The following PANK3 variants were observed in gnomAD, a reference collection of about 807,000 sequenced individuals.
PANK3 encodes pantothenate kinase 3, also known as hPanK3.
PANK3 carries 20 observed loss-of-function variants against 39.4 expected under a neutral mutation model. The observed-to-expected ratio is 0.51, with a 90% confidence interval of 0.36 to 0.74. The LOEUF (loss-of-function observed/expected upper bound fraction) is 0.74. Ranked by LOEUF, PANK3 falls within the 30% of genes least tolerant of loss-of-function variation. The pLI is 0.00. For synonymous variants in PANK3, 140 were observed against 157.3 expected (o/e 0.89, Z 0.82); for missense variants, 265 against 437.0 (o/e 0.61, Z 3.51).
In PANK3 at chr5:168,555,938, A is replaced by C. The variant is rs1159229065; in HGVS notation, c.*1633T>G. 3 of 152,368 alleles carry C rather than the reference A, an allele frequency of 2.0e-5. No homozygotes were observed. Among genetic ancestry groups the C allele is most frequent in the Admixed American group, 6.5e-5 (1 of 15,306 alleles). 9.4% of individuals were successfully genotyped at this position (152,368 alleles called of 1,614,324 possible). Reference sequence around the variant, plus strand: ...TAAGACACAACTTCCTACATAGAGGAAATAAGAGGAACAAACCCCTTTTGG... The same window carrying C: ...TAAGACACAACTTCCTACATAGAGGCAATAAGAGGAACAAACCCCTTTTGG... On this transcript the variant is annotated 3_prime_UTR_variant, in exon 7 of 7. Transcript: ENST00000239231.
At chr5:168,566,756 AT>A (rs558280521) in intron 2 of PANK3, among the ~76,000 whole-genome samples, 18 of 152,162 alleles carry the variant, frequency 1.2e-4, no homozygotes, top group Non-Finnish European at 8.8e-5. Context: ...TCATTCATTC[AT>A]TTTTGAGACA....
In PANK3 at chr5:168,553,318, C is replaced by A. The variant is rs1759300997; in HGVS notation, c.*4253G>T. On this transcript the variant is annotated 3_prime_UTR_variant, in exon 7 of 7. Transcript: ENST00000239231. ...AATGTACATGGGCACAAAACTTGTG[C>A]AGAGTCCGCATTACAAGCCAGTAAT... The A allele has an allele frequency of 3.8e-6, 2 of 528,014 alleles. No individual in the cohort carries two copies. Among genetic ancestry groups the A allele is most frequent in the East Asian group, 6.0e-5 (1 of 16,772 alleles). 32.7% of individuals were successfully genotyped at this position (528,014 alleles called of 1,614,324 possible).
intron 6 of PANK3, among the ~76,000 whole-genome samples, chr5:168,558,147 T>C (rs904316857): frequency 9.5e-5 from 14 of 146,992 alleles, no homozygotes; most frequent in Admixed American, 5.4e-4. Context: ...CAATGAGACA[T>C]GGAAGCTTTT....
intron 2 of PANK3, 100 bp downstream of exon 2, chr5:168,568,546 A>G (rs1759570750): frequency 1.1e-6 from 1 of 899,210 alleles, no homozygotes; most frequent in Admixed American, 2.6e-5. Flanking sequence ...CATATTTCCC[A>G]CTGCATGTGC....
chr5:168,560,430 C>T (rs898166236), intron 5 of PANK3, among the ~76,000 whole-genome samples: 1 of 152,132 alleles, frequency 6.6e-6, no homozygotes, highest in African/African-American at 2.4e-5. Flanking sequence ...TGTCCTCTAC[C>T]ACTCTCTGCC....
At chr5:168,577,962 G>A (rs1017281436) in intron 1 of PANK3, among the ~76,000 whole-genome samples, 1 of 152,194 alleles carries the variant, frequency 6.6e-6, no homozygotes, top group Non-Finnish European at 1.5e-5. Context: ...TTTCATTTAA[G>A]CCTTCACATC....
chr5:168,553,156 C>A lies in PANK3; in HGVS notation c.*4415G>T. 2.1e-6 allele frequency: 1 copy of A among 466,468 alleles called. No individual in the cohort carries two copies. Among genetic ancestry groups the A allele is most frequent in the South Asian group, 1.6e-5 (1 of 60,894 alleles). 28.9% of individuals were successfully genotyped at this position (466,468 alleles called of 1,614,324 possible). ...TAGGACAGCTGGAAGGATGGTAAAG[C>A]CCAGTATCACTGGGCATAGCTCTTC... On this transcript the variant is annotated 3_prime_UTR_variant, in exon 7 of 7. Coordinates refer to ENST00000239231, the MANE Select transcript of PANK3 (RefSeq NM_024594.4).
intron 1 of PANK3, among the ~76,000 whole-genome samples, chr5:168,570,340 G>A (rs1466481593): frequency 1.3e-5 from 2 of 149,276 alleles, no homozygotes; most frequent in African/African-American, 2.5e-5. Flanking sequence ...AGCAGAGATC[G>A]CGCCATTGCA....
At chr5:168,570,384 C>CAAA (rs35264834) in intron 1 of PANK3, among the ~76,000 whole-genome samples, 4 of 84,282 alleles carry the variant, frequency 4.7e-5, no homozygotes, top group Non-Finnish European at 9.5e-5. Context: ...GACTCCGTCT[C>CAAA]AAAAAAAAAA....
In PANK3 at chr5:168,566,267, C is replaced by T. The variant is rs370434758; in HGVS notation, c.382-1G>A. On this transcript the variant is annotated splice_acceptor_variant, in intron 2 of 6. Transcript: ENST00000239231. LOFTEE classifies it high-confidence loss of function. Reference sequence around the variant, plus strand: ...GTTTGTGCAGGTGGAGGTTTCCAATCTGTTAAAACAAACAAACAAAAACAA... The same window carrying T: ...GTTTGTGCAGGTGGAGGTTTCCAATTTGTTAAAACAAACAAACAAAAACAA... 1 of 1,570,702 alleles carries T rather than the reference C, an allele frequency of 6.4e-7. No individual in the cohort carries two copies. The highest frequency in any genetic ancestry group is 1.8e-5 in the Admixed American group (1 of 56,670).
Position 168,568,633 on chromosome 5 carries a change from A to G in PANK3, c.381+13T>C. On this transcript the variant is annotated intron_variant, in intron 2 of 6. Transcript: ENST00000239231. Reference sequence around the variant, plus strand: ...CAGGTATCAATTTTCAGTTTTGAGTAAAAGATACCTACTGTGCGAAAATCT... The same window carrying G: ...CAGGTATCAATTTTCAGTTTTGAGTGAAAGATACCTACTGTGCGAAAATCT... 1 of 1,562,008 alleles carries G rather than the reference A, an allele frequency of 6.4e-7. No individual in the cohort carries two copies.
rs1759229805 is a variant in PANK3 at position 168,548,675 on chromosome 5, A to G, written c.*8896T>C. The G allele has an allele frequency of 6.6e-6, 1 of 152,248 alleles. No individual in the cohort carries two copies. The highest frequency in any genetic ancestry group is 1.5e-5 in the Non-Finnish European group (1 of 68,046). 9.4% of individuals were successfully genotyped at this position (152,248 alleles called of 1,614,324 possible). A position where few individuals can be genotyped will look rare whatever the true frequency, so the allele number is the denominator to read the frequency against. ...CAAAACCCAAGTTACCTTCATGCAA[A>G]TAAGCATTAAGGAAAAGAATACGGG... On this transcript the variant is annotated 3_prime_UTR_variant, in exon 7 of 7. Coordinates refer to ENST00000239231, the MANE Select transcript of PANK3 (RefSeq NM_024594.4).
intron 1 of PANK3, among the ~76,000 whole-genome samples, chr5:168,577,519 T>C (rs1402954935): frequency 2.0e-5 from 3 of 152,152 alleles, no homozygotes; most frequent in Non-Finnish European, 4.4e-5. Flanking sequence ...TTTATTTATT[T>C]GTAGAGATGA....
At chr5:168,565,868 A>AAAAACATATATATATATATATATATAT in intron 3 of PANK3, 145 bp downstream of exon 3, 1 of 131,394 alleles carries the variant, frequency 7.6e-6, no homozygotes, top group South Asian at 2.9e-4. Flanking sequence ...AAAAAAAAAA[A>AAAAACATATATATATATATATATATAT]ATATATATAT....
intron 1 of PANK3, among the ~76,000 whole-genome samples, chr5:168,572,514 A>C (rs954907478): frequency 6.6e-6 from 1 of 151,680 alleles, no homozygotes; most frequent in African/African-American, 2.4e-5. Flanking sequence ...TGGATCTCAC[A>C]AAGTACATTC....
Position 168,557,185 on chromosome 5 carries a change from T to C in PANK3, c.*386A>G, listed in dbSNP as rs930303414. ...TATGTTATTTTCTGCTCACTAGTAA[T>C]CAAAACACATAAAACAGACTTGTAA... On this transcript the variant is annotated 3_prime_UTR_variant, in exon 7 of 7. Coordinates refer to ENST00000239231, the MANE Select transcript of PANK3 (RefSeq NM_024594.4). 1 of 167,364 alleles carries C rather than the reference T, an allele frequency of 6.0e-6. No homozygotes were observed. The highest frequency in any genetic ancestry group is 2.4e-5 in the African/African-American group (1 of 41,982). The allele number at this position is 167,364 out of a possible 1,614,324, so 10.4% of individuals were successfully genotyped here. A position where few individuals can be genotyped will look rare whatever the true frequency, so the allele number is the denominator to read the frequency against.
chr5:168,552,658 C>A lies in PANK3; in HGVS notation c.*4913G>T. The A allele has an allele frequency of 4.6e-6, 1 of 219,402 alleles. No homozygotes were observed. Among genetic ancestry groups the A allele is most frequent in the South Asian group, 9.7e-5 (1 of 10,326 alleles). 13.6% of individuals were successfully genotyped at this position (219,402 alleles called of 1,614,324 possible). ...GCCCCACTACAGACAAAGCTCATCC[C>A]ACCATACTCATCCTTTAATAACAAA... On this transcript the variant is annotated 3_prime_UTR_variant, in exon 7 of 7. Transcript: ENST00000239231.
At chr5:168,568,555 G>A (rs1011622419) in intron 2 of PANK3, 91 bp downstream of exon 2, 19 of 979,356 alleles carry the variant, frequency 1.9e-5, no homozygotes, top group Non-Finnish European at 2.6e-5. Context: ...CACTGCATGT[G>A]CAGGGAGAAT....
intron 2 of PANK3, 109 bp downstream of exon 2, chr5:168,568,537 A>G (rs1228337164): frequency 1.8e-5 from 15 of 846,714 alleles, no homozygotes; most frequent in Non-Finnish European, 2.4e-5. Context: ...CCATGGATAC[A>G]TATTTCCCAC....
Sources: gnomAD v4.1 joint callset for allele counts (sites outside exome capture counted in the v4.1 genomes callset) on GRCh38, gnomAD v4.1.1 for gene constraint, MANE v1.5 for transcripts, NCBI Gene and HGNC (gene_info 2026-07-23, HGNC 2026-07-21) for gene names.